Variants in SHTN1 observed in about 807,000 individuals in gnomAD.
SHTN1 encodes shootin-1.
Under a neutral mutation model 83.1 loss-of-function variants are expected in SHTN1, and 42 were observed. That is an observed-to-expected ratio of 0.51 (90% CI 0.39 to 0.65). The LOEUF is 0.65. Ranked by LOEUF, SHTN1 falls within the 30% of genes least tolerant of loss-of-function variation. SHTN1 has a pLI of 0.00. For missense variants in SHTN1, 622 were observed against 737.8 expected (o/e 0.84, Z 1.82); for synonymous variants, 224 against 247.7 (o/e 0.90, Z 0.90).
chr10:117,033,168 G>A (rs941190439), intron 2 of SHTN1, among the ~76,000 whole-genome samples: 2 of 151,444 alleles, frequency 1.3e-5, no homozygotes, highest in Non-Finnish European at 2.9e-5. Context: ...AAAATTAGTA[G>A]AAGAAAAGAA....
intron 1 of SHTN1, among the ~76,000 whole-genome samples, chr10:116,991,054 T>A (rs2576440): frequency 6.6e-6 from 1 of 151,876 alleles, no homozygotes; most frequent in South Asian, 2.1e-4. Context: ...GGCGCGGTGG[T>A]GGGCGCCTGT....
intron 1 of SHTN1, among the ~76,000 whole-genome samples, chr10:117,001,348 G>A (rs1033626928): frequency 1.3e-5 from 2 of 152,108 alleles, no homozygotes; most frequent in Admixed American, 6.5e-5. Flanking sequence ...ATTCAGAAGT[G>A]GGTGTGATTT....
chr10:117,030,784 C>T (rs1852403607), intron 2 of SHTN1, among the ~76,000 whole-genome samples: 1 of 151,728 alleles, frequency 6.6e-6, no homozygotes, highest in Non-Finnish European at 1.5e-5. Flanking sequence ...AACTTGAAGA[C>T]AGGCTATTTG....
chr10:117,100,672 T>C (rs1435450327), intron 1 of SHTN1, among the ~76,000 whole-genome samples: 1 of 152,188 alleles, frequency 6.6e-6, no homozygotes, highest in Non-Finnish European at 1.5e-5. Flanking sequence ...ACTGTGCTTA[T>C]CCTCAAAGCA....
chr10:116,987,723 T>A (rs2576438), intron 1 of SHTN1, among the ~76,000 whole-genome samples: 4,209 of 152,148 alleles, frequency 0.028, 182 homozygotes, highest in African/African-American at 0.094. Context: ...GAGACCATCA[T>A]GGCCAACATA....
At chr10:117,114,210 TTCTTAAAAAAAGAAGAACATA>T (rs1189262984) in intron 1 of SHTN1, among the ~76,000 whole-genome samples, 1 of 152,144 alleles carries the variant, frequency 6.6e-6, no homozygotes, top group African/African-American at 2.4e-5. Context: ...TCCTATTCCT[TTCTTAAAAAAAGAAGAACATA>T]GCTTGTAAGT....
chr10:117,001,496 G>C lies in SHTN1; in HGVS notation c.58+3526C>G, dbSNP rs183907154. ...CCACTAAAGGCTTCACGTTAGGGAA[G>C]GCTGCTGTCAGCTTTGTGGTTTAGA... On this transcript the variant is annotated intron_variant, in intron 1 of 16. Transcript: ENST00000355371. Among the ~76,000 whole-genome samples the C allele has an allele frequency of 2.0e-3, 303 of 152,272 alleles. 2 individuals carry two copies. The highest frequency in any genetic ancestry group is 6.5e-3 in the African/African-American group (272 of 41,562).
intron 1 of SHTN1, among the ~76,000 whole-genome samples, chr10:117,109,121 C>T (rs531873343): frequency 3.9e-5 from 6 of 152,160 alleles, no homozygotes; most frequent in African/African-American, 4.8e-5. Context: ...GCCTTGATTG[C>T]GCATTGTAAT....
intron 16 of SHTN1, among the ~76,000 whole-genome samples, chr10:116,890,395 A>G (rs1054635799): frequency 6.6e-6 from 1 of 152,196 alleles, no homozygotes; most frequent in Non-Finnish European, 1.5e-5. Flanking sequence ...TGTCAGATGA[A>G]GTGTCCAAGG....
intron 2 of SHTN1, among the ~76,000 whole-genome samples, chr10:117,045,536 AG>A (rs201655514): frequency 0.018 from 2,670 of 152,336 alleles, 79 homozygotes; most frequent in African/African-American, 0.06. Context: ...AGAAGTCTTC[AG>A]GAAAGCCCAT....
At chr10:116,999,698 A>G (rs1017179303) in intron 1 of SHTN1, among the ~76,000 whole-genome samples, 1 of 152,176 alleles carries the variant, frequency 6.6e-6, no homozygotes, top group African/African-American at 2.4e-5. Context: ...GTGGATCACA[A>G]GGTCAGGAGT....
At chr10:116,889,774 C>T (rs1002022953) in intron 16 of SHTN1, among the ~76,000 whole-genome samples, 9 of 152,178 alleles carry the variant, frequency 5.9e-5, no homozygotes, top group Admixed American at 3.9e-4. Context: ...TCATTCTTTC[C>T]GAATCCGTTT....
intron 6 of SHTN1, among the ~76,000 whole-genome samples, chr10:116,950,095 T>C (rs1281279790): frequency 1.3e-5 from 2 of 152,272 alleles, no homozygotes; most frequent in African/African-American, 2.4e-5. Context: ...CAGAAAGAGT[T>C]ACACCAGGGC....
intron 12 of SHTN1, among the ~76,000 whole-genome samples, chr10:116,916,531 A>G (rs1277070534): frequency 6.6e-6 from 1 of 152,194 alleles, no homozygotes; most frequent in Non-Finnish European, 1.5e-5. Flanking sequence ...GCCTACTAAT[A>G]TTTTTACTAT....
intron 3 of SHTN1, among the ~76,000 whole-genome samples, chr10:116,965,324 C>T (rs1489173792): frequency 6.6e-6 from 1 of 152,146 alleles, no homozygotes; most frequent in Non-Finnish European, 1.5e-5. Context: ...CAAGACCAAT[C>T]TGGCCAACAT....
At chr10:116,897,264 A>T (rs893496397) in intron 16 of SHTN1, among the ~76,000 whole-genome samples, 1 of 152,236 alleles carries the variant, frequency 6.6e-6, no homozygotes, top group African/African-American at 2.4e-5. Context: ...GATGTATTTT[A>T]AAAATTAATT....
chr10:116,908,002 T>A, intron 14 of SHTN1: 6 of 463,336 alleles, frequency 1.3e-5, no homozygotes, highest in Admixed American at 7.1e-5. Context: ...CTTTAGCATG[T>A]AAAACAAAAA....
intron 1 of SHTN1, among the ~76,000 whole-genome samples, chr10:117,067,067 C>T (rs926298801): frequency 5.3e-5 from 8 of 152,128 alleles, no homozygotes; most frequent in African/African-American, 1.7e-4. Context: ...AATGTAAGAG[C>T]ATTCTGCCTA....
intron 1 of SHTN1, among the ~76,000 whole-genome samples, chr10:117,109,589 G>C (rs1207446298): frequency 1.0e-4 from 1 of 10,048 alleles, no homozygotes; most frequent in Admixed American, 1.3e-3. Context: ...TTTTGAGAGG[G>C]AGTCTTGCTC....
Sources: gnomAD v4.1 joint callset for allele counts (sites outside exome capture counted in the v4.1 genomes callset) on GRCh38, gnomAD v4.1.1 for gene constraint, MANE v1.5 for transcripts, NCBI Gene and HGNC (gene_info 2026-07-23, HGNC 2026-07-21) for gene names.